SLIT3: variants seen among roughly 807,000 people sequenced by gnomAD.
SLIT3 encodes the protein slit guidance ligand 3, also known as slit homolog 3 protein.
In SLIT3, 68 loss-of-function variants were observed where a neutral mutation model predicts 184.0. The observed-to-expected ratio is 0.37, with a 90% confidence interval of 0.30 to 0.45. SLIT3 has a LOEUF of 0.45. SLIT3 is among the 20% of genes least tolerant of loss of function. SLIT3 has a pLI of 1.00. For missense variants in SLIT3, 1,707 were observed against 2,026.0 expected, an observed-to-expected ratio of 0.84 and a Z score of 3.02; for synonymous variants, 831 against 828.6, an observed-to-expected ratio of 1.00 and a Z score of -0.05.
intron 4 of SLIT3, among the ~76,000 whole-genome samples, chr5:169,017,063 A>C (rs13359468): frequency 0.037 from 5,665 of 152,058 alleles, 356 homozygotes; most frequent in African/African-American, 0.13. Context: ...GTATTCTTGA[A>C]AGCAACTGCT....
chr5:168,809,213 CT>C (rs1244760257), intron 8 of SLIT3, among the ~76,000 whole-genome samples: 1 of 152,204 alleles, frequency 6.6e-6, no homozygotes, highest in Non-Finnish European at 1.5e-5. Context: ...AGGGCACAGC[CT>C]TGAGTCCCTC....
chr5:168,813,725 T>G (rs1183133514), intron 8 of SLIT3, among the ~76,000 whole-genome samples: 2 of 152,168 alleles, frequency 1.3e-5, no homozygotes, highest in African/African-American at 4.8e-5. Context: ...ATCCAGGGCT[T>G]CTGGGGAGAA....
rs192096253 is a variant in SLIT3 at position 168,721,972 on chromosome 5, A to G, written c.2483+284T>C. Among the ~76,000 whole-genome samples the G allele has an allele frequency of 2.3e-4, 35 of 152,320 alleles. No homozygotes were observed. The East Asian group carries it at 6.0e-3, about 26-fold the overall frequency. ...ACAATTGCATATCCTAATCCTCACAAAGGAGGTGCTATTGATCCCATTTTA... is the reference window on the plus strand; with the variant it reads ...ACAATTGCATATCCTAATCCTCACAGAGGAGGTGCTATTGATCCCATTTTA... On this transcript the variant is annotated intron_variant, in intron 23 of 35. Transcript: ENST00000519560.
intron 6 of SLIT3, among the ~76,000 whole-genome samples, chr5:168,840,776 C>T (rs1385044557): frequency 5.3e-5 from 8 of 152,168 alleles, no homozygotes; most frequent in Admixed American, 5.2e-4. Context: ...TTAAATGCCA[C>T]AAAGTTGAGG....
chr5:168,716,053 G>A (rs892203285), intron 23 of SLIT3, among the ~76,000 whole-genome samples: 7 of 146,092 alleles, frequency 4.8e-5, no homozygotes, highest in African/African-American at 1.0e-4. Flanking sequence ...CTGTAACCTC[G>A]ACCTCCTGGG....
chr5:168,815,897 C>T (rs1757321687), intron 8 of SLIT3, among the ~76,000 whole-genome samples: 1 of 152,178 alleles, frequency 6.6e-6, no homozygotes, highest in South Asian at 2.1e-4. Flanking sequence ...GCAGAGCTCA[C>T]AGTGCTTAAG....
intron 20 of SLIT3, among the ~76,000 whole-genome samples, chr5:168,740,580 C>T (rs762789097): frequency 2.0e-5 from 3 of 152,182 alleles, no homozygotes; most frequent in Non-Finnish European, 4.4e-5. Flanking sequence ...CAGAGGCTCC[C>T]AGCCATAATT....
intron 2 of SLIT3, among the ~76,000 whole-genome samples, chr5:169,246,150 G>T (rs1358359072): frequency 6.6e-6 from 1 of 152,118 alleles, no homozygotes; most frequent in African/African-American, 2.4e-5. Flanking sequence ...CCCCGCAAAA[G>T]AAACTCCTTT....
chr5:169,155,044 C>T (rs150978407), intron 4 of SLIT3, among the ~76,000 whole-genome samples: 5 of 152,172 alleles, frequency 3.3e-5, no homozygotes, highest in African/African-American at 1.2e-4. Context: ...AAGTTGAAGA[C>T]AGTCAGTTTG....
chr5:168,671,191 C>G lies in SLIT3; in HGVS notation c.4127+7G>C. ...GAGCACACAGCCAGGGCTCCTGGGA[C>G]ACTGACCTGTGGCCGAGGCAGGGGT... is the stretch of plus-strand genomic sequence containing the variant. On this transcript the variant is annotated splice_region_variant and intron_variant, in intron 34 of 35. Coordinates refer to ENST00000519560, the MANE Select transcript of SLIT3 (RefSeq NM_003062.4). 1 of 1,603,630 alleles carries G rather than the reference C, an allele frequency of 6.2e-7. No individual in the cohort carries two copies. The highest frequency in any genetic ancestry group is 8.5e-7 in the Non-Finnish European group (1 of 1,173,288).
At chr5:169,051,052 C>T (rs963248272) in intron 4 of SLIT3, among the ~76,000 whole-genome samples, 4 of 152,084 alleles carry the variant, frequency 2.6e-5, no homozygotes, top group East Asian at 1.9e-4. Context: ...CACTGCAAAA[C>T]GGAGATGAAA....
At chr5:168,783,943 G>A (rs1230612159) in intron 12 of SLIT3, among the ~76,000 whole-genome samples, 1 of 152,106 alleles carries the variant, frequency 6.6e-6, no homozygotes, top group Non-Finnish European at 1.5e-5. Flanking sequence ...TTGCCTTCGC[G>A]ACCCATGCAA....
At chr5:169,282,105 T>G (rs923542384) in intron 1 of SLIT3, among the ~76,000 whole-genome samples, 1 of 152,220 alleles carries the variant, frequency 6.6e-6, no homozygotes, top group Non-Finnish European at 1.5e-5. Flanking sequence ...AAGAACTTTT[T>G]GAAGATAGAG....
intron 4 of SLIT3, among the ~76,000 whole-genome samples, chr5:168,984,720 G>GGCAA (rs1448520341): frequency 1.3e-5 from 2 of 152,112 alleles, no homozygotes; most frequent in African/African-American, 4.8e-5. Context: ...AGAATTTAGA[G>GGCAA]GCAAACAAAT....
intron 4 of SLIT3, among the ~76,000 whole-genome samples, chr5:169,054,238 GT>G (rs1757911536): frequency 6.8e-6 from 1 of 147,962 alleles, no homozygotes; most frequent in Non-Finnish European, 1.5e-5. Flanking sequence ...AAAAAAAAAG[GT>G]GGCAATGTGA....
intron 4 of SLIT3, among the ~76,000 whole-genome samples, chr5:168,938,597 T>A (rs1562016570): frequency 6.6e-6 from 1 of 152,178 alleles, no homozygotes; most frequent in Non-Finnish European, 1.5e-5. Flanking sequence ...TGAATCTCCT[T>A]CCCCTTCTGC....
chr5:169,126,385 A>G (rs973426450), intron 4 of SLIT3, among the ~76,000 whole-genome samples: 2 of 152,220 alleles, frequency 1.3e-5, no homozygotes, highest in Admixed American at 6.5e-5. Context: ...CACGCAGGCA[A>G]CACCATGATG....
chr5:168,696,422 G>A lies in SLIT3; in HGVS notation c.2952C>T (p.Cys984=), dbSNP rs1762066953. 1.9e-6 allele frequency: 3 copies of A among 1,614,180 alleles called. No individual in the cohort carries two copies. The highest frequency in any genetic ancestry group is 8.5e-7 in the Non-Finnish European group (1 of 1,180,042). The change falls in exon 28 of 36, where the codon TGC becomes TGT. Residue 984 remains cysteine (C), a synonymous_variant. Coordinates refer to ENST00000519560, the MANE Select transcript of SLIT3 (RefSeq NM_003062.4). ...DSHKDGFSCS[C]PLGFEGQRCE... is the part of the protein sequence containing the mutation. ...ACCGCTGCCCCTCAAAGCCCAGAGG[G>A]CAGGAGCAGCTTTGGGATGTGAGGG...
chr5:169,239,845 T>C (rs961494046), intron 3 of SLIT3, among the ~76,000 whole-genome samples: 1 of 152,076 alleles, frequency 6.6e-6, no homozygotes, highest in African/African-American at 2.4e-5. Flanking sequence ...TTAATCAAGA[T>C]ATGTGCTTCT....
Sources: allele counts gnomAD v4.1 joint callset (sites outside exome capture counted in the v4.1 genomes callset), GRCh38; gene constraint gnomAD v4.1.1; transcripts MANE v1.5; gene names NCBI Gene and HGNC (gene_info 2026-07-23, HGNC 2026-07-21).